The following SORBS2 variants were observed in gnomAD, a reference collection of about 807,000 sequenced individuals.
SORBS2 encodes sorbin and SH3 domain-containing protein 2.
SORBS2 carries 46 observed loss-of-function variants against 97.7 expected under a neutral mutation model. The ratio of observed to expected loss-of-function variants is 0.47; its 90% confidence interval spans 0.37 to 0.60. The LOEUF (loss-of-function observed/expected upper bound fraction) is 0.60, where lower values mean the gene tolerates loss of function less well. Among genes scored for constraint, SORBS2 ranks in the 20% least tolerant of loss-of-function variants. The probability of loss-of-function intolerance (pLI) is 0.00; values close to 1 mark genes in which losing one functional copy is unlikely to be tolerated. For synonymous variants in SORBS2, 476 were observed against 473.4 expected, an observed-to-expected ratio of 1.01 and a Z score of -0.07; for missense variants, 1,316 against 1,282.3, an observed-to-expected ratio of 1.03 and a Z score of -0.40.
chr4:185,767,163 C>T (rs868672856), intron 2 of SORBS2, among the ~76,000 whole-genome samples: 2 of 152,044 alleles, frequency 1.3e-5, no homozygotes, highest in Non-Finnish European at 2.9e-5. Context: ...TTTGAAATGT[C>T]GTCTTCACTG....
rs545446000 is a variant in SORBS2 at position 185,773,564 on chromosome 4, A to G, written c.-198+1663T>C. On this transcript the variant is annotated intron_variant, in intron 2 of 20. Coordinates refer to the SORBS2 transcript ENST00000284776. ...GCCACTTGCGTTTGTCCTTCTTAGC[A>G]AGGTGCAGAGGACGGGGCAGACTGC... 4.9e-3 allele frequency: 323 copies of G among 65,322 alleles called. 3 individuals are homozygous for G. The highest frequency in any genetic ancestry group is 6.6e-3 in the Non-Finnish European group (223 of 33,680). 4.0% of individuals were successfully genotyped at this position (65,322 alleles called of 1,614,324 possible).
chr4:185,595,085 C>T (rs546772602), intron 12 of SORBS2, among the ~76,000 whole-genome samples: 17 of 152,230 alleles, frequency 1.1e-4, no homozygotes, highest in African/African-American at 4.1e-4. Context: ...TTTCAGTCTA[C>T]GAGTCAATGA....
intron 1 of SORBS2, among the ~76,000 whole-genome samples, chr4:185,834,741 A>G (rs1296980495): frequency 2.0e-5 from 3 of 152,234 alleles, no homozygotes; most frequent in Non-Finnish European, 4.4e-5. Flanking sequence ...ATCAGTATAC[A>G]TTTGATTTGA....
chr4:185,657,545 C>G, upstream of SORBS2: 1 of 1,580,044 alleles, frequency 6.3e-7, no homozygotes, highest in Middle Eastern at 1.7e-4. Context: ...GATAGAGCTG[C>G]TGGTGGTGCC....
intron 14 of SORBS2, among the ~76,000 whole-genome samples, chr4:185,588,838 C>A (rs2095854227): frequency 6.6e-6 from 1 of 152,172 alleles, no homozygotes; most frequent in Admixed American, 6.5e-5. Context: ...TGGCCTCGAA[C>A]TCCTGGCCTC....
chr4:185,604,472 A>G (rs1468611187), intron 12 of SORBS2, among the ~76,000 whole-genome samples: 1 of 152,118 alleles, frequency 6.6e-6, no homozygotes, highest in Admixed American at 6.6e-5. Context: ...GGAGGGGAGG[A>G]AAGCAGGTGG....
At chr4:185,611,867 C>G in exon 12 of SORBS2, 3 of 1,612,978 alleles carry the variant, frequency 1.9e-6, no homozygotes, top group Non-Finnish European at 1.7e-6. Flanking sequence ...CTTTTGTGTT[C>G]TTCTTGACGA....
chr4:185,820,066 G>C, intron 1 of SORBS2, among the ~76,000 whole-genome samples: 1 of 152,288 alleles, frequency 6.6e-6, no homozygotes, highest in Non-Finnish European at 1.5e-5. Context: ...TTGTATCTTT[G>C]ATTTATGGTG....
At chr4:185,769,255 T>C (rs1013064589) in intron 2 of SORBS2, among the ~76,000 whole-genome samples, 2 of 152,216 alleles carry the variant, frequency 1.3e-5, no homozygotes, top group African/African-American at 4.8e-5. Flanking sequence ...ATGTTATATG[T>C]AGTGTATCCA....
exon 15 of SORBS2, chr4:185,586,394 T>C (rs1396825726): frequency 6.6e-6 from 1 of 152,650 alleles, no homozygotes; most frequent in East Asian, 1.9e-4. Flanking sequence ...AATTTATTCC[T>C]AGGAAATATT....
chr4:185,818,590 T>C (rs2099194744), intron 1 of SORBS2, among the ~76,000 whole-genome samples: 1 of 152,074 alleles, frequency 6.6e-6, no homozygotes, highest in Non-Finnish European at 1.5e-5. Flanking sequence ...AGGAAGACTA[T>C]TTGAAACATT....
intron 2 of SORBS2, among the ~76,000 whole-genome samples, chr4:185,736,162 T>C (rs1251222771): frequency 1.3e-5 from 2 of 152,214 alleles, no homozygotes; most frequent in Non-Finnish European, 2.9e-5. Context: ...GAGTTTGCCT[T>C]GTCATTGCTT....
intron 2 of SORBS2, among the ~76,000 whole-genome samples, chr4:185,651,090 G>T (rs1452971789): frequency 1.3e-5 from 2 of 152,204 alleles, no homozygotes; most frequent in African/African-American, 2.4e-5. Context: ...AAATAGTTGT[G>T]CACCTGTCCT....
At chr4:185,916,868 CT>C (rs1447501332) in intron 1 of SORBS2, among the ~76,000 whole-genome samples, 1 of 152,166 alleles carries the variant, frequency 6.6e-6, no homozygotes, top group Non-Finnish European at 1.5e-5. Context: ...CTGCAAAGGG[CT>C]GTCTTTTCGT....
chr4:185,627,052 A>T (rs1253970626), intron 5 of SORBS2, 33 bp from the exon 18 acceptor site: 2 of 1,604,590 alleles, frequency 1.2e-6, no homozygotes, highest in Admixed American at 3.3e-5. Flanking sequence ...TTTGATTGGC[A>T]CTGGAGGAGG....
intron 1 of SORBS2, among the ~76,000 whole-genome samples, chr4:185,821,502 C>T (rs2099196793): frequency 6.6e-6 from 1 of 152,186 alleles, no homozygotes; most frequent in African/African-American, 2.4e-5. Context: ...CAGCTCACTG[C>T]CACCTCCACC....
chr4:185,606,172 A>T lies in SORBS2; in HGVS notation c.2796+5608T>A. 2.0e-6 allele frequency: 2 copies of T among 985,410 alleles called. No homozygotes were observed. Among genetic ancestry groups the T allele is most frequent in the Non-Finnish European group, 2.4e-6 (2 of 829,908 alleles). 61.0% of individuals were successfully genotyped at this position (985,410 alleles called of 1,614,324 possible). A position where few individuals can be genotyped will look rare whatever the true frequency, so the allele number is the denominator to read the frequency against. On this transcript the variant is annotated intron_variant, in intron 12 of 14. Coordinates refer to ENST00000418609, the Ensembl canonical transcript of SORBS2. The surrounding 1 kb of genome is among the most constrained non-coding windows in gnomAD (Gnocchi z 4.3). The stretch of plus-strand genomic sequence containing the variant: ...GAATAGGACAAATTTCTGGGCATCA[A>T]CTTCCTCTTCTCTAAAGTGGGGATG...
intron 1 of SORBS2, among the ~76,000 whole-genome samples, chr4:185,891,493 G>A (rs903450081): frequency 3.9e-5 from 6 of 152,184 alleles, no homozygotes; most frequent in African/African-American, 9.7e-5. Context: ...AGATTTCAAC[G>A]TGCTCAATTA....
chr4:185,721,922 A>G (rs1046925465), intron 2 of SORBS2, among the ~76,000 whole-genome samples: 2 of 152,220 alleles, frequency 1.3e-5, no homozygotes, highest in African/African-American at 4.8e-5. Flanking sequence ...GCACATATAT[A>G]CATTTTTTTC....
Sources: allele counts gnomAD v4.1 joint callset (sites outside exome capture counted in the v4.1 genomes callset), GRCh38; gene constraint gnomAD v4.1.1; non-coding constraint Gnocchi (gnomAD v3.1); transcripts MANE v1.5; gene names NCBI Gene and HGNC (gene_info 2026-07-23, HGNC 2026-07-21).